The following FARP1 variants were observed in gnomAD, a reference collection of about 807,000 sequenced individuals.
FARP1 encodes the protein FERM, ARH/RhoGEF and pleckstrin domain protein 1, also known as FERM, ARHGEF and pleckstrin domain-containing protein 1.
FARP1 carries 52 observed loss-of-function variants against 128.8 expected under a neutral mutation model. The ratio of observed to expected loss-of-function variants is 0.40; its 90% CI spans 0.32 to 0.51. The LOEUF (loss-of-function observed/expected upper bound fraction) is 0.51. FARP1 is among the 20% of genes least tolerant of loss of function. The pLI is 0.45. For missense variants in FARP1, 1,333 were observed against 1,367.9 expected (o/e 0.97, Z 0.40); for synonymous variants, 580 against 551.8 (o/e 1.05, Z -0.72).
In FARP1 at chr13:98,176,658, A is replaced by G. The variant is rs558944393; in HGVS notation, c.-24+33166A>G. 6 of 1,614,192 alleles carry G rather than the reference A, an allele frequency of 3.7e-6. No individual in the cohort carries two copies. In the Admixed American group the frequency reaches 8.3e-5, roughly 22 times the overall value. On this transcript the variant is annotated intron_variant, in intron 1 of 26. Coordinates refer to ENST00000319562, the MANE Select transcript of FARP1 (RefSeq NM_005766.4). This position sits in a 1 kb window ranked among gnomAD's most constrained non-coding sequence, Gnocchi z 6.2. ...TCTCCTTGTAGTCCTTGCAGATGTC[A>G]GGCTGGTAATCCCAGCGCACAGTGG...
At chr13:98,250,699 C>T (rs899042642) in intron 2 of FARP1, among the ~76,000 whole-genome samples, 15 of 149,832 alleles carry the variant, frequency 1.0e-4, no homozygotes, top group South Asian at 4.3e-4. Context: ...CTAGCCTGGG[C>T]GACAGAGCAA....
chr13:98,177,158 G>A lies in FARP1; in HGVS notation c.-24+33666G>A, dbSNP rs761748326. 23 of 1,607,142 alleles carry A rather than the reference G, an allele frequency of 1.4e-5. 1 individual carries two copies. The Middle Eastern group carries it at 1.2e-3, about 83-fold the overall frequency. On this transcript the variant is annotated intron_variant, in intron 1 of 26. Transcript: ENST00000319562. ...TTTCTGAGGCCTGCAGCCCCTTTCCGTCCAGGCTTTTTGAAGAGGAAGGTG... is the reference window on the plus strand; with the variant it reads ...TTTCTGAGGCCTGCAGCCCCTTTCCATCCAGGCTTTTTGAAGAGGAAGGTG...
At chr13:98,222,609 C>T (rs1182645045) in intron 2 of FARP1, among the ~76,000 whole-genome samples, 1 of 151,370 alleles carries the variant, frequency 6.6e-6, no homozygotes, top group Non-Finnish European at 1.5e-5. Flanking sequence ...GTGACAGGTG[C>T]CAGTGGAGGG....
chr13:98,301,662 G>A (rs1394934699), intron 2 of FARP1, among the ~76,000 whole-genome samples: 2 of 152,178 alleles, frequency 1.3e-5, no homozygotes, highest in African/African-American at 4.8e-5. Flanking sequence ...AAGAAGAGGT[G>A]TTTTGATCGT....
intron 1 of FARP1, among the ~76,000 whole-genome samples, chr13:98,193,711 G>A (rs1330047118): frequency 6.6e-6 from 1 of 152,152 alleles, no homozygotes; most frequent in East Asian, 1.9e-4. Context: ...ACCATGTCAT[G>A]CTTGTTTCTT....
In FARP1 at chr13:98,309,153, C is replaced by CTTTTT. The variant is rs56030081; in HGVS notation, c.172-34583_172-34579dup. Among the ~76,000 whole-genome samples, 20 of 89,686 alleles carry CTTTTT rather than the reference C, an allele frequency of 2.2e-4. 1 individual carries two copies. Among genetic ancestry groups the CTTTTT allele is most frequent in the Middle Eastern group, 7.5e-3 (1 of 134 alleles). 58.8% of individuals were successfully genotyped at this position (89,686 alleles called of 152,430 possible). A position where few individuals can be genotyped will look rare whatever the true frequency, so the allele number is the denominator to read the frequency against. ...TATATTAATATTAATTTTAAGAGGC[C>CTTTTT]TTTTTTTTTTTTTTTTTTTTTTTTT... On this transcript the variant is annotated intron_variant, in intron 2 of 26. Coordinates refer to ENST00000319562, the MANE Select transcript of FARP1 (RefSeq NM_005766.4).
chr13:98,260,635 A>G (rs898413165), intron 2 of FARP1, among the ~76,000 whole-genome samples: 4 of 152,058 alleles, frequency 2.6e-5, no homozygotes, highest in Admixed American at 6.5e-5. Context: ...TCTTCACTCT[A>G]CTTGCTTTTT....
chr13:98,273,268 G>A (rs1313017378), intron 2 of FARP1, among the ~76,000 whole-genome samples: 1 of 152,230 alleles, frequency 6.6e-6, no homozygotes, highest in Non-Finnish European at 1.5e-5. Context: ...AAGGACGTCT[G>A]TTAACCAAGA....
At chr13:98,367,511 A>G (rs2139972890) in intron 4 of FARP1, among the ~76,000 whole-genome samples, 1 of 150,880 alleles carries the variant, frequency 6.6e-6, no homozygotes, top group Middle Eastern at 3.4e-3. Context: ...TTAAATTCTG[A>G]AAAGTTGTTC....
rs1189459532 is a variant in FARP1, at chr13:98,310,019, G to C, written c.172-33743G>C. Among the ~76,000 whole-genome samples, 5 of 146,098 alleles carry C rather than the reference G, an allele frequency of 3.4e-5. No homozygotes were observed. In the East Asian group the frequency reaches 9.7e-4, roughly 28 times the overall value. The stretch of plus-strand genomic sequence containing the variant: ...TGATGTCTGGTTTTTACGCCGATGG[G>C]ACCATCCTCTCTCTCTCTATTCCTC... On this transcript the variant is annotated intron_variant, in intron 2 of 26. Coordinates refer to ENST00000319562, the MANE Select transcript of FARP1 (RefSeq NM_005766.4).
intron 2 of FARP1, among the ~76,000 whole-genome samples, chr13:98,301,790 G>A (rs1364612721): frequency 1.3e-5 from 2 of 152,130 alleles, no homozygotes; most frequent in Non-Finnish European, 2.9e-5. Flanking sequence ...TTATTTAAGT[G>A]TACACGTACT....
In FARP1 at chr13:98,377,162, C is replaced by T. The variant is rs111886049; in HGVS notation, c.399-659C>T. ...CTAAAAATACAAAAAATTAGCTGGG[C>T]GTGGTGGCGTGCACCTGTAGTCCCA... is the stretch of plus-strand genomic sequence containing the variant. On this transcript the variant is annotated intron_variant, in intron 5 of 26. Coordinates refer to ENST00000319562, the MANE Select transcript of FARP1 (RefSeq NM_005766.4). 7.0e-3 allele frequency among the ~76,000 whole-genome samples: 1,065 copies of T among 151,748 alleles called. 9 individuals are homozygous for T. Among genetic ancestry groups the T allele is most frequent in the Admixed American group, 0.011 (167 of 15,208 alleles).
intron 13 of FARP1, chr13:98,405,335 A>G (rs941279351): frequency 6.6e-6 from 1 of 152,266 alleles, no homozygotes; most frequent in Non-Finnish European, 1.5e-5. Context: ...ATTGAAATCC[A>G]TAAATATAGC....
chr13:98,431,419 G>C (rs2139053503), intron 18 of FARP1, 139 bp downstream of exon 18: 1 of 585,136 alleles, frequency 1.7e-6, no homozygotes, highest in Admixed American at 3.2e-5. Flanking sequence ...ATCAGGGTGG[G>C]CGCCGGTTTT....
chr13:98,288,635 C>T (rs1324669042), intron 2 of FARP1, among the ~76,000 whole-genome samples: 4 of 152,144 alleles, frequency 2.6e-5, no homozygotes, highest in Admixed American at 6.5e-5. Context: ...GTCATTTTAT[C>T]CTTAGTGTCT....
At chr13:98,430,268 G>A (rs1891959995) in intron 17 of FARP1, among the ~76,000 whole-genome samples, 1 of 152,108 alleles carries the variant, frequency 6.6e-6, no homozygotes, top group African/African-American at 2.4e-5. Context: ...TAAAAATTCA[G>A]ATTTGGGAGT....
Position 98,377,969 on chromosome 13 carries a change from T to C in FARP1, c.496+51T>C, listed in dbSNP as rs771560046. ...AATCATGTTCAAAATAACACAGTGA[T>C]CTGATTGATGGGAAAAAAATCACAT... On this transcript the variant is annotated intron_variant, in intron 6 of 26. Coordinates refer to ENST00000319562, the MANE Select transcript of FARP1 (RefSeq NM_005766.4). The C allele has an allele frequency of 3.0e-6, 4 of 1,317,714 alleles. No individual in the cohort carries two copies. In the South Asian group the frequency reaches 3.6e-5, roughly 12 times the overall value. The allele number at this position is 1,317,714 out of a possible 1,614,324, so 81.6% of individuals were successfully genotyped here. A position where few individuals can be genotyped will look rare whatever the true frequency, so the allele number is the denominator to read the frequency against.
intron 3 of FARP1, among the ~76,000 whole-genome samples, chr13:98,349,672 GAAAAAAAAAAAAAAAA>G (rs56376512): frequency 1.8e-4 from 11 of 59,858 alleles, no homozygotes; most frequent in East Asian, 2.0e-3. Context: ...CCATCTCAGG[GAAAAAAAAAAAAAAAA>G]AAAAAAAAAA....
chr13:98,249,685 G>T (rs1308292921), intron 2 of FARP1, among the ~76,000 whole-genome samples: 1 of 152,106 alleles, frequency 6.6e-6, no homozygotes, highest in Non-Finnish European at 1.5e-5. Flanking sequence ...AGGCAGGAAG[G>T]TAACAAGATG....
Sources: allele counts gnomAD v4.1 joint callset (sites outside exome capture counted in the v4.1 genomes callset), GRCh38; gene constraint gnomAD v4.1.1; non-coding constraint Gnocchi (gnomAD v3.1); transcripts MANE v1.5; gene names NCBI Gene and HGNC (gene_info 2026-07-23, HGNC 2026-07-21).